Variants in MYL5 observed in about 807,000 individuals in gnomAD.
MYL5 encodes the protein myosin regulatory light chain 5.
MYL5 carries 28 observed loss-of-function variants against 20.8 expected under a neutral mutation model. That is an observed-to-expected ratio of 1.35 (90% confidence interval 1.00 to 1.84). The LOEUF is 1.84. MYL5 is among the 40% of genes most tolerant of loss of function. The pLI, the probability that MYL5 is intolerant of heterozygous loss-of-function variation, is 0.00. For missense variants in MYL5, 274 were observed against 227.3 expected, an observed-to-expected ratio of 1.21 and a Z score of -1.32; for synonymous variants, 118 against 87.4, an observed-to-expected ratio of 1.35 and a Z score of -1.95.
chr4:681,775 C>T (rs1292294130), intron 6 of MYL5, 118 bp from the exon 9 acceptor site: 13 of 1,219,556 alleles, frequency 1.1e-5, no homozygotes, highest in African/African-American at 1.6e-5. Flanking sequence ...CACCCCGCAC[C>T]CGGGCCCCTC....
upstream of MYL5, chr4:677,004 T>C (rs1046228944): frequency 1.1e-6 from 1 of 875,162 alleles, no homozygotes; most frequent in African/African-American, 1.8e-5. Context: ...GACATGCAAG[T>C]GGCACCTGTC....
At chr4:680,884 C>T (rs941105124) in intron 5 of MYL5, 8 of 656,168 alleles carry the variant, frequency 1.2e-5, no homozygotes, top group African/African-American at 3.7e-5. Context: ...TAACCTCCTT[C>T]CGGCTCTGTC....
chr4:680,046 C>T lies in MYL5; in HGVS notation c.292+28C>T, dbSNP rs1183838595. The T allele has an allele frequency of 3.9e-6, 6 of 1,540,430 alleles. No homozygotes were observed. The Admixed American group carries it at 5.6e-5, about 14-fold the overall frequency. ...GAGCACCGGTGGGGCAGGCCTGGCCCTCCTAGCTAATTCCTAACAGTTAGA... is the reference window on the plus strand; with the variant it reads ...GAGCACCGGTGGGGCAGGCCTGGCCTTCCTAGCTAATTCCTAACAGTTAGA... On this transcript the variant is annotated intron_variant, in intron 4 of 6. Coordinates refer to ENST00000400159, the Ensembl canonical transcript of MYL5.
intron 1 of MYL5, chr4:678,334 C>A: frequency 7.1e-7 from 1 of 1,417,826 alleles, no homozygotes; most frequent in Non-Finnish European, 9.2e-7. Flanking sequence ...ACAAGCCCAC[C>A]CAGAGTCCAC....
intron 2 of MYL5, 93 bp from the exon 5 acceptor site, chr4:678,863 CTA>C: frequency 6.2e-7 from 1 of 1,608,818 alleles, no homozygotes; most frequent in Non-Finnish European, 8.5e-7. Flanking sequence ...GAGTGGAAGC[CTA>C]TCCTCAGTCA....
upstream of MYL5, chr4:676,852 G>T (rs1166738371): frequency 1.0e-6 from 1 of 984,202 alleles, no homozygotes; most frequent in East Asian, 1.1e-4. Flanking sequence ...TCCCTCCTGG[G>T]CAGGTCATGC....
upstream of MYL5, chr4:674,648 ACT>A: frequency 3.7e-6 from 1 of 270,898 alleles, no homozygotes; most frequent in Non-Finnish European, 7.1e-6. Flanking sequence ...GCCGGGGCGC[ACT>A]CTGTCTTCTT....
chr4:681,937 C>T (rs954931727), exon 7 of MYL5: 5 of 1,331,972 alleles, frequency 3.8e-6, no homozygotes, highest in South Asian at 2.4e-5. Flanking sequence ...TGGCGGGCAA[C>T]CTGGACTACA....
rs1429216461 is a variant in MYL5 at position 680,687 on chromosome 4, C to T, written c.371+100C>T. On this transcript the variant is annotated intron_variant, in intron 5 of 6. Coordinates refer to ENST00000400159, the Ensembl canonical transcript of MYL5. ...GTCAGCCACCAGATGCCACGCCCAC[C>T]TCCCCACCTCTGACCAGCTTCAGGG... 6 of 1,222,868 alleles carry T rather than the reference C, an allele frequency of 4.9e-6. No homozygotes were observed. The Admixed American group carries it at 6.2e-5, about 13-fold the overall frequency. 75.8% of individuals were successfully genotyped at this position (1,222,868 alleles called of 1,614,324 possible).
chr4:678,066 T>G, intron 1 of MYL5, 37 bp downstream of exon 3: 1 of 1,611,436 alleles, frequency 6.2e-7, no homozygotes, highest in Non-Finnish European at 8.5e-7. Flanking sequence ...GGCAGGCGTG[T>G]GGGTGTGAGC....
chr4:678,014 G>T lies in MYL5; in HGVS notation c.-13G>T. The T allele has an allele frequency of 6.2e-7, 1 of 1,612,534 alleles. No homozygotes were observed. Among genetic ancestry groups the T allele is most frequent in the Non-Finnish European group, 8.5e-7 (1 of 1,179,966 alleles). ...GGCCCTGGGCAGACGCATCAAAGCA[G>T]GCAGAAGCAGGCATGGTGAGCAGGC... On this transcript the variant is annotated 5_prime_UTR_variant, in exon 1 of 7. The change creates a new upstream start codon in the 5' untranslated region. Coordinates refer to ENST00000400159, the Ensembl canonical transcript of MYL5.
chr4:678,044 G>T lies in MYL5; in HGVS notation c.3+15G>T, dbSNP rs748216275. The T allele has an allele frequency of 3.1e-6, 5 of 1,613,180 alleles. No homozygotes were observed. Among genetic ancestry groups the T allele is most frequent in the Non-Finnish European group, 3.4e-6 (4 of 1,179,884 alleles). On this transcript the variant is annotated intron_variant, in intron 1 of 6. Transcript: ENST00000400159. Reference sequence around the variant, plus strand: ...AAGCAGGCATGGTGAGCAGGCCGCCGTGCATGCCTGGGGCAGGCGTGTGGG... The same window carrying T: ...AAGCAGGCATGGTGAGCAGGCCGCCTTGCATGCCTGGGGCAGGCGTGTGGG...
intron 5 of MYL5, chr4:680,825 C>T: frequency 1.6e-6 from 1 of 629,764 alleles, no homozygotes; most frequent in African/African-American, 1.8e-5. Context: ...CCCACTCCTC[C>T]ATCTTCAGCT....
chr4:678,165 C>T (rs1739042310), intron 1 of MYL5, 136 bp downstream of exon 3: 1 of 1,543,146 alleles, frequency 6.5e-7, no homozygotes, highest in Non-Finnish European at 8.8e-7. Flanking sequence ...GCTCTGCCTG[C>T]ATATGTGTGT....
chr4:674,544 T>G, upstream of MYL5: 16 of 460,566 alleles, frequency 3.5e-5, no homozygotes, highest in East Asian at 4.3e-5. Flanking sequence ...GGGGTTTCCT[T>G]TCCCCGCAGG....
chr4:680,586 T>C, exon 5 of MYL5: 1 of 1,611,650 alleles, frequency 6.2e-7, no homozygotes, highest in Non-Finnish European at 8.5e-7. Context: ...CAACAAGGAG[T>C]AGTGAGTGCC....
At chr4:680,132 G>C in intron 4 of MYL5, 114 bp downstream of exon 6, 1 of 1,053,332 alleles carries the variant, frequency 9.5e-7, no homozygotes, top group Non-Finnish European at 1.4e-6. Flanking sequence ...CCTAGGGCCT[G>C]GCACTCTGGG....
intron 6 of MYL5, 132 bp from the exon 9 acceptor site, chr4:681,761 C>T (rs1443649837): frequency 1.7e-6 from 2 of 1,170,630 alleles, no homozygotes; most frequent in Non-Finnish European, 1.1e-6. Flanking sequence ...TCCAGCGCCG[C>T]CCTCACCCCG....
chr4:678,522 C>T, intron 1 of MYL5, 136 bp from the exon 4 acceptor site: 1 of 1,455,056 alleles, frequency 6.9e-7, no homozygotes, highest in Non-Finnish European at 9.0e-7. Context: ...TGGCATGCTC[C>T]TCAGCTGTCT....
Sources: allele counts gnomAD v4.1 joint callset, GRCh38; gene constraint gnomAD v4.1.1; transcripts MANE v1.5; gene names NCBI Gene and HGNC (gene_info 2026-07-23, HGNC 2026-07-21).